TC2N: variants seen among roughly 807,000 people sequenced by gnomAD.
TC2N encodes the protein tandem C2 domains nuclear protein.
TC2N carries 51 observed loss-of-function variants against 61.9 expected under a neutral mutation model. The ratio of observed to expected loss-of-function variants is 0.82; its 90% CI spans 0.66 to 1.04. TC2N has a LOEUF of 1.04. Among genes scored for constraint, TC2N ranks in the 50% least tolerant of loss-of-function variants. The probability of loss-of-function intolerance (pLI) is 0.00; values close to 1 mark genes in which losing one functional copy is unlikely to be tolerated. For synonymous variants in TC2N, 204 were observed against 192.6 expected (o/e 1.06, Z -0.49); for missense variants, 556 against 566.7 (o/e 0.98, Z 0.19).
intron 1 of TC2N, among the ~76,000 whole-genome samples, chr14:91,852,779 T>G (rs192729260): frequency 4.2e-4 from 64 of 151,898 alleles, no homozygotes; most frequent in Admixed American, 3.7e-3. Context: ...CAGAAGAACA[T>G]GGGGTAGAGT....
intron 1 of TC2N, among the ~76,000 whole-genome samples, chr14:91,854,396 T>TGAGGAGGAGGAG (rs1266755945): frequency 8.9e-6 from 1 of 112,200 alleles, no homozygotes; most frequent in Non-Finnish European, 1.7e-5. Context: ...ACACATAAGA[T>TGAGGAGGAGGAG]GAGGAGGAGG....
rs559323877 is a variant in TC2N at position 91,797,732 on chromosome 14, AAT to A, written c.855+51_855+52del. On this transcript the variant is annotated intron_variant, in intron 8 of 11. Transcript: ENST00000435962. ...CTTGTTTACATGGGTAAAAGTGACAAATATAAAAAAAAAAAAAACAGAAAAGA... is the reference window on the plus strand; with the variant it reads ...CTTGTTTACATGGGTAAAAGTGACAAATAAAAAAAAAAAAAACAGAAAAGA... The A allele has an allele frequency of 2.5e-3, 2,621 of 1,052,918 alleles. 3 individuals carry two copies. The highest frequency in any genetic ancestry group is 8.0e-3 in the South Asian group (535 of 66,504). 65.2% of individuals were successfully genotyped at this position (1,052,918 alleles called of 1,614,324 possible).
chr14:91,821,183 A>G lies in TC2N; in HGVS notation c.-56-7358T>C, dbSNP rs530257991. Among the ~76,000 whole-genome samples the G allele has an allele frequency of 2.2e-4, 33 of 151,496 alleles. No individual in the cohort carries two copies. In the Middle Eastern group the frequency reaches 0.014, roughly 62 times the overall value. ...CAGAATAGCCAAAACAATCTTGGGG[A>G]AAAAAAAAGAACAAAGTGGAAAGAC... On this transcript the variant is annotated intron_variant, in intron 1 of 11. Transcript: ENST00000435962.
In TC2N at chr14:91,787,562, T is replaced by C; in HGVS notation, c.1113A>G (p.Gln371=). The C allele has an allele frequency of 6.2e-7, 1 of 1,612,978 alleles. No individual in the cohort carries two copies. The change falls in exon 10 of 12, where the codon CAA becomes CAG. Residue 371 remains glutamine (Q), a synonymous_variant. Transcript: ENST00000435962. ...TTGGAAGGTACCGTGCCTCAAGAAT[T>C]TGTAACTGAATTCTGCTATTTACTG... The part of the protein sequence containing the change: ...FQAVNSRIQL[Q]ILEARYLPSS...
At chr14:91,853,790 AT>A (rs1888424850) in intron 1 of TC2N, among the ~76,000 whole-genome samples, 1 of 151,914 alleles carries the variant, frequency 6.6e-6, no homozygotes, top group Non-Finnish European at 1.5e-5. Context: ...ATGGGCTTGC[AT>A]TTTTTGGTTT....
At chr14:91,841,143 C>T (rs1290780378) in intron 1 of TC2N, among the ~76,000 whole-genome samples, 1 of 152,194 alleles carries the variant, frequency 6.6e-6, no homozygotes, top group Non-Finnish European at 1.5e-5. Flanking sequence ...TTTCCACCAA[C>T]CACATGATCA....
intron 1 of TC2N, among the ~76,000 whole-genome samples, chr14:91,861,890 A>C (rs1417789517): frequency 1.3e-4 from 19 of 151,856 alleles, no homozygotes; most frequent in Non-Finnish European, 2.1e-4. Context: ...CCTGGGTGAC[A>C]GAGTGAAACC....
Position 91,802,376 on chromosome 14 carries a change from C to A in TC2N, c.347G>T (p.Ser116Ile). 1 of 1,612,292 alleles carries A rather than the reference C, an allele frequency of 6.2e-7. No individual in the cohort carries two copies. The highest frequency in any genetic ancestry group is 8.5e-7 in the Non-Finnish European group (1 of 1,179,416). The stretch of plus-strand genomic sequence containing the variant: ...ATAGCTAGGTCCGTGCTGGGATGAA[C>A]TGGAAAGTTCTACCTTTCGATCTCC... ...SFGDRKVELS[S>I]SSQHGPSYDV... Residue 116 changes from serine to isoleucine, a missense_variant, in exon 4 of 12, where the codon AGT (serine) becomes ATT (isoleucine). Transcript: ENST00000435962.
At chr14:91,807,679 C>T (rs1037937652) in intron 3 of TC2N, among the ~76,000 whole-genome samples, 5 of 152,226 alleles carry the variant, frequency 3.3e-5, no homozygotes, top group Admixed American at 6.5e-5. Context: ...GGCTCATAGG[C>T]GGAAGGGACT....
chr14:91,789,197 A>G (rs117680623), intron 9 of TC2N, among the ~76,000 whole-genome samples: 2 of 152,210 alleles, frequency 1.3e-5, no homozygotes, highest in African/African-American at 4.8e-5. Flanking sequence ...CATAAAACAG[A>G]GCAGCATTTG....
At chr14:91,830,778 T>C (rs1167006972) in intron 1 of TC2N, among the ~76,000 whole-genome samples, 1 of 152,238 alleles carries the variant, frequency 6.6e-6, no homozygotes, top group African/African-American at 2.4e-5. Flanking sequence ...CAAGGTAATA[T>C]AAAACTTCTC....
chr14:91,827,666 A>G (rs929045639), intron 1 of TC2N, among the ~76,000 whole-genome samples: 1 of 152,256 alleles, frequency 6.6e-6, no homozygotes, highest in African/African-American at 2.4e-5. Context: ...CATGTGAGGT[A>G]ACATTCACAG....
chr14:91,794,448 A>T (rs1228504265), intron 8 of TC2N, among the ~76,000 whole-genome samples: 1 of 152,074 alleles, frequency 6.6e-6, no homozygotes, highest in Non-Finnish European at 1.5e-5. Flanking sequence ...GACTAGGCTG[A>T]CTCTCTTGTT....
chr14:91,796,244 A>G (rs1885890380), intron 8 of TC2N, among the ~76,000 whole-genome samples: 2 of 152,198 alleles, frequency 1.3e-5, no homozygotes, highest in South Asian at 4.1e-4. Flanking sequence ...CCCAATATAT[A>G]TATACATATA....
At chr14:91,802,627 G>T (rs1250357880) in intron 3 of TC2N, among the ~76,000 whole-genome samples, 3 of 152,028 alleles carry the variant, frequency 2.0e-5, no homozygotes, top group Admixed American at 2.0e-4. Flanking sequence ...CTGCATTTAA[G>T]ACAGTCTGGT....
At chr14:91,786,149 G>T (rs1338238438) in intron 10 of TC2N, among the ~76,000 whole-genome samples, 1 of 152,186 alleles carries the variant, frequency 6.6e-6, no homozygotes, top group Non-Finnish European at 1.5e-5. Context: ...CAGATTGATA[G>T]AATGAAGAGT....
At chr14:91,821,424 C>T (rs956234254) in intron 1 of TC2N, among the ~76,000 whole-genome samples, 1 of 151,874 alleles carries the variant, frequency 6.6e-6, no homozygotes, top group Non-Finnish European at 1.5e-5. Flanking sequence ...ATATTTATAT[C>T]CACATTATAT....
chr14:91,821,764 G>C (rs189008051), intron 1 of TC2N, among the ~76,000 whole-genome samples: 1 of 151,922 alleles, frequency 6.6e-6, no homozygotes, highest in Non-Finnish European at 1.5e-5. Context: ...ATAAAATATG[G>C]ATTATATCCA....
At chr14:91,805,749 T>G (rs116778380) in intron 3 of TC2N, among the ~76,000 whole-genome samples, 2,310 of 152,286 alleles carry the variant, frequency 0.015, 76 homozygotes, top group African/African-American at 0.052. Flanking sequence ...TTTAATAAAT[T>G]TAGTATATCC....
Sources: allele counts gnomAD v4.1 joint callset (sites outside exome capture counted in the v4.1 genomes callset), GRCh38; gene constraint gnomAD v4.1.1; transcripts MANE v1.5; gene names NCBI Gene and HGNC (gene_info 2026-07-23, HGNC 2026-07-21).